DNAJC17: variants seen among roughly 807,000 people sequenced by gnomAD.
DNAJC17 encodes dnaJ homolog subfamily C member 17.
In DNAJC17, 35 loss-of-function variants were observed where a neutral mutation model predicts 48.1. That is an observed-to-expected ratio of 0.73 (90% CI 0.56 to 0.96). The LOEUF (loss-of-function observed/expected upper bound fraction) is 0.96, where lower values mean the gene tolerates loss of function less well. Among genes scored for constraint, DNAJC17 ranks in the 50% least tolerant of loss-of-function variants. The pLI is 0.00. For missense variants in DNAJC17, 355 were observed against 377.1 expected (o/e 0.94, Z 0.48); for synonymous variants, 117 against 142.7 (o/e 0.82, Z 1.28).
chr15:40,770,538 T>C lies in DNAJC17; in HGVS notation c.793-2476A>G. 1 of 1,550,636 alleles carries C rather than the reference T, an allele frequency of 6.4e-7. No individual in the cohort carries two copies. Among genetic ancestry groups the C allele is most frequent in the Non-Finnish European group, 8.7e-7 (1 of 1,146,972 alleles). ...AGGCTCCTTCCGCAACGCCTCCTTC[T>C]TCAAGCAGCTGAGCCTGGGGCGGCC... On this transcript the variant is annotated intron_variant, in intron 10 of 10. Coordinates refer to ENST00000220496, the MANE Select transcript of DNAJC17 (RefSeq NM_018163.3). This position sits in a 1 kb window ranked among gnomAD's most constrained non-coding sequence, Gnocchi z 5.0.
intron 1 of DNAJC17, among the ~76,000 whole-genome samples, chr15:40,781,713 A>G (rs1212329482): frequency 2.6e-5 from 4 of 151,640 alleles, no homozygotes; most frequent in Non-Finnish European, 5.9e-5. Context: ...CGAGGTCAGG[A>G]GATTGAGACC....
intron 10 of DNAJC17, among the ~76,000 whole-genome samples, chr15:40,768,820 G>C (rs973468066): frequency 6.6e-6 from 1 of 152,260 alleles, no homozygotes; most frequent in African/African-American, 2.4e-5. Context: ...CGCTTAGGCT[G>C]TGTGATGATC....
chr15:40,797,833 C>T (rs1255636002), intron 1 of DNAJC17, among the ~76,000 whole-genome samples: 2 of 150,820 alleles, frequency 1.3e-5, no homozygotes, highest in Admixed American at 1.3e-4. Context: ...GCAATTCTCC[C>T]GCCTCACCCC....
rs902767005 is a variant in DNAJC17 at position 40,792,612 on chromosome 15, C to T, written c.79-12615G>A. 2.5e-5 allele frequency: 19 copies of T among 747,332 alleles called. No homozygotes were observed. In the East Asian group the frequency reaches 3.9e-4, roughly 15 times the overall value. The allele number at this position is 747,332 out of a possible 1,614,324, so 46.3% of individuals were successfully genotyped here. A position where few individuals can be genotyped will look rare whatever the true frequency, so the allele number is the denominator to read the frequency against. ...GGAGGACTGCTTGAGCCCAGGAGTT[C>T]GAGACCAGCCTGGGCAACATAGGGA... On this transcript the variant is annotated intron_variant, in intron 1 of 10. Coordinates refer to ENST00000220496, the MANE Select transcript of DNAJC17 (RefSeq NM_018163.3).
chr15:40,785,274 T>C (rs148936550), intron 1 of DNAJC17, among the ~76,000 whole-genome samples: 2 of 152,284 alleles, frequency 1.3e-5, no homozygotes, highest in East Asian at 3.9e-4. Context: ...TTTCAAGTGA[T>C]ACAAGAAAAA....
Position 40,767,307 on chromosome 15 carries a change from G to C in DNAJC17, c.*633C>G. On this transcript the variant is annotated 3_prime_UTR_variant, in exon 11 of 11. Coordinates refer to ENST00000220496, the MANE Select transcript of DNAJC17 (RefSeq NM_018163.3). ...GGGGCTTCCGTGTGCTGAGCATGAC[G>C]GGGGTGGGCCAGACGCTGGTGTGGT... The C allele has an allele frequency of 6.2e-7, 1 of 1,603,930 alleles. No individual in the cohort carries two copies. Among genetic ancestry groups the C allele is most frequent in the South Asian group, 1.1e-5 (1 of 89,494 alleles).
At chr15:40,773,868 T>G in intron 9 of DNAJC17, 31 bp from the exon 10 acceptor site, 1 of 1,587,872 alleles carries the variant, frequency 6.3e-7, no homozygotes, top group Non-Finnish European at 8.6e-7. Flanking sequence ...TCCTGTCCCA[T>G]CCGTTGAGTC....
intron 3 of DNAJC17, 76 bp downstream of exon 3, chr15:40,779,469 G>A: frequency 2.5e-6 from 4 of 1,593,036 alleles, no homozygotes; most frequent in South Asian, 1.1e-5. Context: ...ATGGCAAAGG[G>A]CAGAGGACCG....
intron 9 of DNAJC17, 181 bp downstream of exon 9, chr15:40,774,175 C>G: frequency 1.4e-6 from 1 of 689,836 alleles, no homozygotes; most frequent in Non-Finnish European, 2.5e-6. Context: ...CCCATCCATC[C>G]CTTCACACAC....
Position 40,770,670 on chromosome 15 carries a change from C to G in DNAJC17, c.793-2608G>C. The G allele has an allele frequency of 6.5e-7, 1 of 1,549,112 alleles. No individual in the cohort carries two copies. Among genetic ancestry groups the G allele is most frequent in the Non-Finnish European group, 8.7e-7 (1 of 1,146,954 alleles). ...AGTCATCCGGGAGCTACAAGGGAGGCCAGATGGCCGGCGCCTGCCACTGTG... is the reference window on the plus strand; with the variant it reads ...AGTCATCCGGGAGCTACAAGGGAGGGCAGATGGCCGGCGCCTGCCACTGTG... On this transcript the variant is annotated intron_variant, in intron 10 of 10. Transcript: ENST00000220496. This position sits in a 1 kb window ranked among gnomAD's most constrained non-coding sequence, Gnocchi z 5.0.
At chr15:40,786,554 T>C (rs2141955841) in intron 1 of DNAJC17, among the ~76,000 whole-genome samples, 1 of 152,340 alleles carries the variant, frequency 6.6e-6, no homozygotes, top group South Asian at 2.1e-4. Context: ...GAGGCAGAGC[T>C]GAAGCAGCCA....
intron 1 of DNAJC17, among the ~76,000 whole-genome samples, chr15:40,805,722 T>C (rs567069845): frequency 5.5e-4 from 83 of 150,284 alleles, no homozygotes; most frequent in African/African-American, 2.0e-3. Context: ...CCCAGCTACT[T>C]GGAGAGGCTC....
At chr15:40,792,563 C>T (rs1192651307) in intron 1 of DNAJC17, 2 of 984,162 alleles carry the variant, frequency 2.0e-6, no homozygotes, top group Non-Finnish European at 2.4e-6. Flanking sequence ...GCCTGTAATC[C>T]TGGCACTTTG....
At position 40,778,799 on chromosome 15, in the gene DNAJC17, A is replaced by C. The variant is rs112805022; in HGVS notation, c.295+424T>G. 3.9e-5 allele frequency among the ~76,000 whole-genome samples: 6 copies of C among 152,246 alleles called. 1 individual carries two copies. Among genetic ancestry groups the C allele is most frequent in the African/African-American group, 1.4e-4 (6 of 41,564 alleles). ...AAACGGAACAAAATTAGCCGGGCGT[A>C]GTGGTGCATGCCTGTAGTCCCACTA... On this transcript the variant is annotated intron_variant, in intron 4 of 10. Coordinates refer to ENST00000220496, the MANE Select transcript of DNAJC17 (RefSeq NM_018163.3).
In DNAJC17 at chr15:40,767,598, G is replaced by A. The variant is rs961086517; in HGVS notation, c.*342C>T. ...TTCGGGCCTGGGCCGAGGGCCTTGTGTAGGCCATGTTCCTCGGGCAGCTGC... is the reference window on the plus strand; with the variant it reads ...TTCGGGCCTGGGCCGAGGGCCTTGTATAGGCCATGTTCCTCGGGCAGCTGC... On this transcript the variant is annotated 3_prime_UTR_variant, in exon 11 of 11. Coordinates refer to ENST00000220496, the MANE Select transcript of DNAJC17 (RefSeq NM_018163.3). 7 of 591,092 alleles carry A rather than the reference G, an allele frequency of 1.2e-5. No individual in the cohort carries two copies. The Admixed American group carries it at 1.8e-4, about 15-fold the overall frequency. 36.6% of individuals were successfully genotyped at this position (591,092 alleles called of 1,614,324 possible).
chr15:40,778,409 C>A lies in DNAJC17; in HGVS notation c.295+814G>T, dbSNP rs367938961. On this transcript the variant is annotated intron_variant, in intron 4 of 10. Transcript: ENST00000220496. ...TTGGGATTACAGGCACCCGCCACCA[C>A]ACCCAGCTAATTTTTGTATTTTTAG... 1.6e-3 allele frequency among the ~76,000 whole-genome samples: 245 copies of A among 152,248 alleles called. 1 individual carries two copies. The highest frequency in any genetic ancestry group is 5.7e-3 in the African/African-American group (238 of 41,550).
chr15:40,791,922 G>T (rs1485273838), intron 1 of DNAJC17, among the ~76,000 whole-genome samples: 1 of 152,186 alleles, frequency 6.6e-6, no homozygotes, highest in African/African-American at 2.4e-5. Context: ...AGATATAAGA[G>T]GTTCTGGGAA....
chr15:40,774,529 T>C (rs1285073055), intron 8 of DNAJC17, 93 bp from the exon 9 acceptor site: 4 of 1,372,398 alleles, frequency 2.9e-6, no homozygotes, highest in Non-Finnish European at 4.1e-6. Context: ...TTGAGGCCCA[T>C]GGGGCATTTT....
rs754558236 is a variant in DNAJC17 at position 40,767,278 on chromosome 15, C to T, written c.*662G>A. On this transcript the variant is annotated 3_prime_UTR_variant, in exon 11 of 11. Transcript: ENST00000220496. ...CCGCATAGTCCTGGACAAGCTGGAACGCAGGGGCTTCCGTGTGCTGAGCAT... is the reference window on the plus strand; with the variant it reads ...CCGCATAGTCCTGGACAAGCTGGAATGCAGGGGCTTCCGTGTGCTGAGCAT... 1.2e-6 allele frequency: 2 copies of T among 1,604,510 alleles called. No homozygotes were observed. The highest frequency in any genetic ancestry group is 1.1e-5 in the South Asian group (1 of 89,666).
Sources: gnomAD v4.1 joint callset for allele counts (sites outside exome capture counted in the v4.1 genomes callset) on GRCh38, gnomAD v4.1.1 for gene constraint, Gnocchi (gnomAD v3.1) non-coding constraint, MANE v1.5 for transcripts, NCBI Gene and HGNC (gene_info 2026-07-23, HGNC 2026-07-21) for gene names.